Variants in PLCL2 observed in about 807,000 individuals in gnomAD.
PLCL2 encodes phospholipase C like 2, also known as inactive phospholipase C-like protein 2.
In PLCL2, 4 loss-of-function variants were observed where a neutral mutation model predicts 79.6. The ratio of observed to expected loss-of-function variants is 0.05; its 90% CI spans 0.02 to 0.11. The LOEUF (loss-of-function observed/expected upper bound fraction) is 0.11, where lower values mean the gene tolerates loss of function less well. Ranked by LOEUF, PLCL2 falls within the 10% of genes least tolerant of loss-of-function variation. The probability of loss-of-function intolerance (pLI) is 1.00; values close to 1 mark genes in which losing one functional copy is unlikely to be tolerated. For synonymous variants in PLCL2, 484 were observed against 457.7 expected, an observed-to-expected ratio of 1.06 and a Z score of -0.73; for missense variants, 895 against 1,291.0, an observed-to-expected ratio of 0.69 and a Z score of 4.70.
At position 16,885,183 on chromosome 3, in the gene PLCL2, C is replaced by T; in HGVS notation, c.144C>T (p.Arg48=). 1.7e-6 allele frequency: 1 copy of T among 602,616 alleles called. No homozygotes were observed. The highest frequency in any genetic ancestry group is 1.8e-5 in the South Asian group (1 of 55,804). 37.3% of individuals were successfully genotyped at this position (602,616 alleles called of 1,614,324 possible). ...GTCGCCTCGGCCACGGGCGGGCGCGCTATGACAGCGGCGGGGTTTCCAACG... is the reference window on the plus strand; with the variant it reads ...GTCGCCTCGGCCACGGGCGGGCGCGTTATGACAGCGGCGGGGTTTCCAACG... The part of the protein sequence containing the change: ...GGGRLGHGRA[R]YDSGGVSNGD... Residue 48 remains arginine (R), a synonymous_variant, in exon 1 of 6, where the codon CGC becomes CGT. Transcript: ENST00000615277.
intron 1 of PLCL2, among the ~76,000 whole-genome samples, chr3:16,973,065 T>A (rs2063890036): frequency 6.6e-6 from 1 of 152,212 alleles, no homozygotes; most frequent in Admixed American, 6.5e-5. Flanking sequence ...GTTGCGTGAT[T>A]GCTTTATAGT....
intron 1 of PLCL2, among the ~76,000 whole-genome samples, chr3:16,938,060 C>T (rs921430313): frequency 2.6e-5 from 4 of 152,188 alleles, no homozygotes; most frequent in Admixed American, 2.6e-4. Flanking sequence ...CTGTATAATG[C>T]AATCGTGTTA....
chr3:16,941,610 CT>C (rs1159558576), intron 1 of PLCL2, among the ~76,000 whole-genome samples: 2 of 152,184 alleles, frequency 1.3e-5, no homozygotes, highest in Non-Finnish European at 2.9e-5. Context: ...TTGACTCTGC[CT>C]GGAATATCTT....
chr3:16,927,165 AT>A (rs1475070212), intron 1 of PLCL2, among the ~76,000 whole-genome samples: 1 of 152,180 alleles, frequency 6.6e-6, no homozygotes, highest in African/African-American at 2.4e-5. Flanking sequence ...CCTTTAAGTT[AT>A]TCTTTACGGA....
At chr3:16,969,528 A>G (rs1291819029) in intron 1 of PLCL2, among the ~76,000 whole-genome samples, 1 of 152,066 alleles carries the variant, frequency 6.6e-6, no homozygotes, top group Non-Finnish European at 1.5e-5. Context: ...TTGTGTGCAT[A>G]GAGGTTTTCA....
At chr3:16,902,881 T>TGTGTGCGCGC (rs1272936432) in intron 1 of PLCL2, among the ~76,000 whole-genome samples, 1 of 133,900 alleles carries the variant, frequency 7.5e-6, no homozygotes, top group Admixed American at 7.7e-5. Flanking sequence ...TGTGTGTGTG[T>TGTGTGCGCGC]GNGCGCATGT....
intron 5 of PLCL2, among the ~76,000 whole-genome samples, chr3:17,086,965 T>A (rs554097059): frequency 1.3e-5 from 2 of 152,352 alleles, no homozygotes; most frequent in Admixed American, 1.3e-4. Flanking sequence ...AATACACATC[T>A]ATTACAGTAG....
At chr3:17,057,779 G>T (rs2064905811) in intron 4 of PLCL2, among the ~76,000 whole-genome samples, 1 of 152,200 alleles carries the variant, frequency 6.6e-6, no homozygotes, top group African/African-American at 2.4e-5. Flanking sequence ...ACCTTTGTTT[G>T]TTCATAACGT....
chr3:16,934,853 C>A (rs947824262), intron 1 of PLCL2, among the ~76,000 whole-genome samples: 31 of 152,144 alleles, frequency 2.0e-4, no homozygotes, highest in African/African-American at 6.5e-4. Context: ...TCTGGTTGTT[C>A]ACTTTTAACA....
intron 1 of PLCL2, among the ~76,000 whole-genome samples, chr3:16,935,767 C>T (rs1315408709): frequency 1.3e-5 from 2 of 152,040 alleles, no homozygotes; most frequent in Non-Finnish European, 2.9e-5. Context: ...TATACCTGGG[C>T]AACATCAGGG....
chr3:16,988,747 T>A (rs554233875), intron 1 of PLCL2, among the ~76,000 whole-genome samples: 98 of 152,224 alleles, frequency 6.4e-4, no homozygotes, highest in African/African-American at 2.1e-3. Flanking sequence ...GAAAGTGAAA[T>A]GTAATTTGCA....
intron 1 of PLCL2, among the ~76,000 whole-genome samples, chr3:16,969,080 C>T (rs540882923): frequency 1.3e-5 from 2 of 152,238 alleles, no homozygotes; most frequent in East Asian, 3.9e-4. Context: ...CCTTGCATCT[C>T]AGGGATAAAG....
chr3:17,001,387 T>C (rs1308039805), intron 1 of PLCL2, among the ~76,000 whole-genome samples: 2 of 152,178 alleles, frequency 1.3e-5, no homozygotes, highest in Non-Finnish European at 2.9e-5. Flanking sequence ...TATTTATTTT[T>C]GTTTTTGTGA....
At chr3:16,920,432 T>C (rs1198675705) in intron 1 of PLCL2, among the ~76,000 whole-genome samples, 2 of 152,166 alleles carry the variant, frequency 1.3e-5, no homozygotes, top group Non-Finnish European at 2.9e-5. Flanking sequence ...TTAAAGTTAA[T>C]TTATAAAAGT....
intron 1 of PLCL2, among the ~76,000 whole-genome samples, chr3:17,002,551 T>C (rs2125003170): frequency 6.6e-6 from 1 of 152,294 alleles, no homozygotes; most frequent in South Asian, 2.1e-4. Flanking sequence ...CAAAGCTTTC[T>C]CTTTAATTGG....
intron 3 of PLCL2, among the ~76,000 whole-genome samples, chr3:17,020,404 G>A (rs114556321): frequency 0.021 from 3,195 of 152,244 alleles, 55 homozygotes; most frequent in South Asian, 0.044. Context: ...TAAAGAAAAT[G>A]AAGCCCATCT....
chr3:16,907,971 A>G (rs1408323026), intron 1 of PLCL2, among the ~76,000 whole-genome samples: 2 of 152,180 alleles, frequency 1.3e-5, no homozygotes, highest in Non-Finnish European at 1.5e-5. Context: ...ATTCATGTCA[A>G]TATTTTATTC....
intron 1 of PLCL2, among the ~76,000 whole-genome samples, chr3:16,974,457 G>C (rs1291109044): frequency 6.6e-6 from 1 of 152,120 alleles, no homozygotes; most frequent in African/African-American, 2.4e-5. Flanking sequence ...TCAAAAATGT[G>C]CCTAGGCTTT....
At position 17,028,565 on chromosome 3, in the gene PLCL2, C is replaced by G. The variant is rs1197710295; in HGVS notation, c.3018+13654C>G. 2.0e-5 allele frequency among the ~76,000 whole-genome samples: 3 copies of G among 151,850 alleles called. No individual in the cohort carries two copies. In the East Asian group the frequency reaches 5.8e-4, roughly 29 times the overall value. Reference sequence around the variant, plus strand: ...ACTGTTGACTCACTGCAGCCTCTGCCTCCTGGGCTCAAACAATTCTCCTGC... The same window carrying G: ...ACTGTTGACTCACTGCAGCCTCTGCGTCCTGGGCTCAAACAATTCTCCTGC... On this transcript the variant is annotated intron_variant, in intron 3 of 5. Coordinates refer to ENST00000615277, the MANE Select transcript of PLCL2 (RefSeq NM_001144382.2).
Sources: allele counts gnomAD v4.1 joint callset (sites outside exome capture counted in the v4.1 genomes callset), GRCh38; gene constraint gnomAD v4.1.1; transcripts MANE v1.5; gene names NCBI Gene and HGNC (gene_info 2026-07-23, HGNC 2026-07-21).